PAX2: variants seen among roughly 807,000 people sequenced by gnomAD.
PAX2 encodes the protein paired box protein Pax-2.
Under a neutral mutation model 41.7 loss-of-function variants are expected in PAX2, and 9 were observed. The ratio of observed to expected loss-of-function variants is 0.22; its 90% confidence interval spans 0.13 to 0.38. The LOEUF (loss-of-function observed/expected upper bound fraction) is 0.38. Among genes scored for constraint, PAX2 ranks in the 10% least tolerant of loss-of-function variants. The pLI is 1.00. For synonymous variants in PAX2, 221 were observed against 212.7 expected (o/e 1.04, Z -0.34); for missense variants, 418 against 531.6 (o/e 0.79, Z 2.10).
At chr10:100,790,484 G>A (rs1459198486) in intron 5 of PAX2, among the ~76,000 whole-genome samples, 1 of 152,174 alleles carries the variant, frequency 6.6e-6, no homozygotes, top group Non-Finnish European at 1.5e-5. Flanking sequence ...AGGGCACCAA[G>A]CAGGAAATCT....
intron 3 of PAX2, among the ~76,000 whole-genome samples, chr10:100,776,010 A>AT (rs1309852621): frequency 6.6e-6 from 1 of 152,086 alleles, no homozygotes; most frequent in Non-Finnish European, 1.5e-5. Flanking sequence ...TCTGCACTCC[A>AT]TTTTTCCTTG....
At chr10:100,785,253 C>T (rs12258685) in intron 5 of PAX2, among the ~76,000 whole-genome samples, 2,904 of 152,252 alleles carry the variant, frequency 0.019, 108 homozygotes, top group African/African-American at 0.068. Flanking sequence ...CAGTTGCTTT[C>T]GGCTGGGGCC....
chr10:100,747,479 G>C (rs756333330), intron 1 of PAX2: 11 of 308,142 alleles, frequency 3.6e-5, no homozygotes, highest in African/African-American at 4.5e-5. Flanking sequence ...TTTTTTGCAG[G>C]CTTTTTTTTT....
At position 100,746,140 on chromosome 10, in the gene PAX2, C is replaced by A; in HGVS notation, c.-121C>A. ...CCCGCCCCCGCGCGCCCCGCAGCAGCCGGGCGTTCACTCATCCTCCCTCCC... is the reference window on the plus strand; with the variant it reads ...CCCGCCCCCGCGCGCCCCGCAGCAGACGGGCGTTCACTCATCCTCCCTCCC... On this transcript the variant is annotated 5_prime_UTR_variant, in exon 1 of 10. Transcript: ENST00000355243. 1 of 1,575,236 alleles carries A rather than the reference C, an allele frequency of 6.3e-7. No individual in the cohort carries two copies. Among genetic ancestry groups the A allele is most frequent in the Non-Finnish European group, 8.6e-7 (1 of 1,162,472 alleles).
chr10:100,788,043 A>G (rs1846943100), intron 5 of PAX2, among the ~76,000 whole-genome samples: 1 of 152,156 alleles, frequency 6.6e-6, no homozygotes, highest in Non-Finnish European at 1.5e-5. Flanking sequence ...TGAATTTACA[A>G]TTCCGCTGAG....
chr10:100,760,154 G>T (rs1049561642), intron 3 of PAX2, among the ~76,000 whole-genome samples: 2 of 152,178 alleles, frequency 1.3e-5, no homozygotes, highest in African/African-American at 4.8e-5. Flanking sequence ...TGTGCTGGTG[G>T]TATCTAGCTA....
chr10:100,774,923 A>C (rs1273058678), intron 3 of PAX2, among the ~76,000 whole-genome samples: 1 of 152,246 alleles, frequency 6.6e-6, no homozygotes, highest in African/African-American at 2.4e-5. Flanking sequence ...GGAAGTCCCC[A>C]TGCGGGGCCC....
chr10:100,825,677 T>C (rs1197027338), intron 8 of PAX2, among the ~76,000 whole-genome samples: 2 of 152,120 alleles, frequency 1.3e-5, no homozygotes, highest in Admixed American at 1.3e-4. Context: ...ATGGGGAGGA[T>C]AGAAGAGAGT....
intron 5 of PAX2, among the ~76,000 whole-genome samples, chr10:100,802,766 G>T (rs908839239): frequency 1.3e-5 from 2 of 152,164 alleles, no homozygotes; most frequent in Non-Finnish European, 2.9e-5. Flanking sequence ...TGTTGGATAG[G>T]GGATCTTCTT....
intron 5 of PAX2, among the ~76,000 whole-genome samples, chr10:100,787,382 C>T (rs929942221): frequency 6.6e-6 from 1 of 152,086 alleles, no homozygotes; most frequent in Non-Finnish European, 1.5e-5. Flanking sequence ...TTCCTGTGTT[C>T]CCATTATATT....
chr10:100,744,771 C>T (rs146633511), upstream of PAX2, among the ~76,000 whole-genome samples: 4,338 of 152,316 alleles, frequency 0.028, 95 homozygotes, highest in Non-Finnish European at 0.044. Flanking sequence ...TCCGCTGGGT[C>T]CCACCGAGGC....
At chr10:100,807,952 T>C (rs1273840788) in intron 6 of PAX2, among the ~76,000 whole-genome samples, 1 of 152,198 alleles carries the variant, frequency 6.6e-6, no homozygotes, top group Admixed American at 6.5e-5. Context: ...CAAAAGTCTT[T>C]TTAAGGTGCC....
In PAX2 at chr10:100,806,524, G is replaced by A. The variant is rs938091739; in HGVS notation, c.711G>A (p.Gln237=). The change falls in exon 6 of 10, where the codon CAG becomes CAA. Residue 237 remains glutamine, a synonymous_variant. Coordinates refer to ENST00000355243, the MANE Select transcript of PAX2 (RefSeq NM_000278.5). ...HLRADTFTQQ[Q]LEALDRVFER... Reference sequence around the variant, plus strand: ...GAGCTGACACCTTCACCCAGCAGCAGCTGGAAGCTTTGGATCGGGTCTTTG... The same window carrying A: ...GAGCTGACACCTTCACCCAGCAGCAACTGGAAGCTTTGGATCGGGTCTTTG... The A allele has an allele frequency of 6.2e-7, 1 of 1,614,262 alleles. No individual in the cohort carries two copies. Among genetic ancestry groups the A allele is most frequent in the Non-Finnish European group, 8.5e-7 (1 of 1,180,040 alleles).
chr10:100,813,582 G>A (rs1848075861), intron 7 of PAX2, among the ~76,000 whole-genome samples: 1 of 152,104 alleles, frequency 6.6e-6, no homozygotes, highest in African/African-American at 2.4e-5. Flanking sequence ...AACAGAACAG[G>A]GACCACACTG....
At chr10:100,820,380 C>A (rs1017003180) in intron 7 of PAX2, among the ~76,000 whole-genome samples, 1 of 152,194 alleles carries the variant, frequency 6.6e-6, no homozygotes, top group African/African-American at 2.4e-5. Context: ...ACCCTTGAAA[C>A]AAGGAAGTTA....
At chr10:100,780,994 C>A (rs1846598489) in intron 4 of PAX2, among the ~76,000 whole-genome samples, 1 of 138,560 alleles carries the variant, frequency 7.2e-6, no homozygotes, top group Admixed American at 6.9e-5. Flanking sequence ...CACAGGTCTG[C>A]AGAGAAGGCC....
intron 5 of PAX2, among the ~76,000 whole-genome samples, chr10:100,781,976 G>C (rs1846648414): frequency 6.6e-6 from 1 of 152,184 alleles, no homozygotes; most frequent in Admixed American, 6.5e-5. Context: ...GAAGGGGGAA[G>C]GAAGAGGAGG....
chr10:100,796,948 T>C (rs1401959128), intron 5 of PAX2, among the ~76,000 whole-genome samples: 1 of 152,234 alleles, frequency 6.6e-6, no homozygotes, highest in Non-Finnish European at 1.5e-5. Context: ...ATTTTAAATA[T>C]CTAAGAGGGA....
upstream of PAX2, among the ~76,000 whole-genome samples, chr10:100,741,619 G>T (rs1844961364): frequency 6.6e-6 from 1 of 152,170 alleles, no homozygotes; most frequent in Admixed American, 6.5e-5. Context: ...CCCAGAGGGC[G>T]AGTGAGCCTC....
Sources: allele counts gnomAD v4.1 joint callset (sites outside exome capture counted in the v4.1 genomes callset), GRCh38; gene constraint gnomAD v4.1.1; transcripts MANE v1.5; gene names NCBI Gene and HGNC (gene_info 2026-07-23, HGNC 2026-07-21).